The following RNF228 variants were observed in gnomAD, a reference collection of about 807,000 sequenced individuals.
RNF228 encodes ring finger protein 228.
chr2:222,319,740 G>T, the RNF228 span, among the ~76,000 whole-genome samples: 31 of 145,940 alleles, frequency 2.1e-4, no homozygotes, highest in Middle Eastern at 3.5e-3. This position sits in a 1 kb window ranked among gnomAD's most constrained non-coding sequence, Gnocchi z 7.6. Flanking sequence ...CCAGGGCGGC[G>T]GGCGCGGCGG....
At chr2:222,315,112 A>C in the RNF228 span, among the ~76,000 whole-genome samples, 1 of 150,848 alleles carries the variant, frequency 6.6e-6, no homozygotes, top group Non-Finnish European at 1.5e-5. Context: ...AATTCTTATG[A>C]AGTAGGGAAG....
chr2:222,316,093 A>T, the RNF228 span, among the ~76,000 whole-genome samples: 1 of 152,226 alleles, frequency 6.6e-6, no homozygotes, highest in Non-Finnish European at 1.5e-5. Flanking sequence ...TCCTCCAGAC[A>T]ACTTACTTGC....
chr2:222,318,736 G>A, the RNF228 span: 1 of 151,170 alleles, frequency 6.6e-6, no homozygotes, highest in Non-Finnish European at 1.5e-5. Context: ...GGTGCATAAC[G>A]CGGAGGTCAA....
chr2:222,318,132 C>T, the RNF228 span: 2 of 152,216 alleles, frequency 1.3e-5, no homozygotes, highest in Non-Finnish European at 2.9e-5. Context: ...CAACCGTAAG[C>T]CACTTTTGAG....
At chr2:222,315,268 T>C in the RNF228 span, among the ~76,000 whole-genome samples, 3 of 152,186 alleles carry the variant, frequency 2.0e-5, no homozygotes, top group Non-Finnish European at 4.4e-5. Flanking sequence ...TGCCCAGAAC[T>C]GGTTAAGGCT....
the RNF228 span, chr2:222,319,119 C>A: frequency 4.4e-6 from 1 of 227,330 alleles, no homozygotes; most frequent in Non-Finnish European, 8.6e-6. This position sits in a 1 kb window ranked among gnomAD's most constrained non-coding sequence, Gnocchi z 7.6. Context: ...CGCGGCCGCA[C>A]CCTCGGGCCG....
At chr2:222,314,728 T>C in the RNF228 span, among the ~76,000 whole-genome samples, 1 of 152,242 alleles carries the variant, frequency 6.6e-6, no homozygotes, top group Non-Finnish European at 1.5e-5. Flanking sequence ...ATTAAGATCA[T>C]AAAATTAGCA....
the RNF228 span, among the ~76,000 whole-genome samples, chr2:222,316,490 A>G: frequency 2.0e-5 from 3 of 152,252 alleles, no homozygotes; most frequent in Non-Finnish European, 4.4e-5. Context: ...TCAAGAATGT[A>G]TTTCTCAGTT....
chr2:222,317,841 TAA>T, the RNF228 span: 1 of 152,236 alleles, frequency 6.6e-6, no homozygotes, highest in Non-Finnish European at 1.5e-5. Flanking sequence ...ATCAGATAAT[TAA>T]AAGTCATTAG....
the RNF228 span, among the ~76,000 whole-genome samples, chr2:222,317,031 C>T: frequency 1.3e-5 from 2 of 152,192 alleles, no homozygotes; most frequent in African/African-American, 4.8e-5. Context: ...TACAACAGAT[C>T]TCACTGGGCC....
the RNF228 span, among the ~76,000 whole-genome samples, chr2:222,316,257 T>C: frequency 6.6e-6 from 1 of 152,182 alleles, no homozygotes; most frequent in Non-Finnish European, 1.5e-5. Flanking sequence ...CAGACAGATA[T>C]TTTCCATGAC....
chr2:222,315,115 T>C, the RNF228 span, among the ~76,000 whole-genome samples: 1 of 151,356 alleles, frequency 6.6e-6, no homozygotes. Flanking sequence ...TCTTATGAAG[T>C]AGGGAAGGAA....
At chr2:222,318,545 C>G in the RNF228 span, 1 of 152,244 alleles carries the variant, frequency 6.6e-6, no homozygotes, top group Non-Finnish European at 1.5e-5. Flanking sequence ...AGTCCATTCA[C>G]AGCCGCCACA....
chr2:222,319,557 C>A, the RNF228 span, among the ~76,000 whole-genome samples: 1 of 145,282 alleles, frequency 6.9e-6, no homozygotes, highest in Non-Finnish European at 1.5e-5. The surrounding 1 kb of genome is among the most constrained non-coding windows in gnomAD (Gnocchi z 7.6). Flanking sequence ...CGCGGGCAGG[C>A]GCGCGGGCAG....
At chr2:222,317,046 A>C in the RNF228 span, among the ~76,000 whole-genome samples, 1 of 152,178 alleles carries the variant, frequency 6.6e-6, no homozygotes, top group Non-Finnish European at 1.5e-5. Context: ...TGGGCCTTCC[A>C]GGGTCATTAT....
the RNF228 span, among the ~76,000 whole-genome samples, chr2:222,315,606 G>A: frequency 6.6e-6 from 1 of 152,088 alleles, no homozygotes; most frequent in African/African-American, 2.4e-5. Flanking sequence ...CCATGAGGTA[G>A]GGGGCGCTGA....
At chr2:222,316,094 A>G in the RNF228 span, among the ~76,000 whole-genome samples, 6 of 152,340 alleles carry the variant, frequency 3.9e-5, no homozygotes, top group Middle Eastern at 3.4e-3. Context: ...CCTCCAGACA[A>G]CTTACTTGCT....
the RNF228 span, among the ~76,000 whole-genome samples, chr2:222,316,380 T>C: frequency 6.6e-6 from 1 of 152,228 alleles, no homozygotes; most frequent in Non-Finnish European, 1.5e-5. Context: ...GTGTGTCTCT[T>C]TGACTTCAAA....
chr2:222,314,823 A>C, the RNF228 span, among the ~76,000 whole-genome samples: 1 of 152,236 alleles, frequency 6.6e-6, no homozygotes, highest in African/African-American at 2.4e-5. Flanking sequence ...AATTTAATAG[A>C]TCTTTTTCTC....
Sources: allele counts gnomAD v4.1 joint callset (sites outside exome capture counted in the v4.1 genomes callset), GRCh38; gene constraint gnomAD v4.1.1; non-coding constraint Gnocchi (gnomAD v3.1); transcripts MANE v1.5; gene names NCBI Gene and HGNC (gene_info 2026-07-23, HGNC 2026-07-21).